The following DKK2 variants were observed in gnomAD, a reference collection of about 807,000 sequenced individuals.
DKK2 encodes dickkopf-related protein 2.
In DKK2, 11 loss-of-function variants were observed where a neutral mutation model predicts 28.1. That is an observed-to-expected ratio of 0.39 (90% CI 0.25 to 0.65). The LOEUF (loss-of-function observed/expected upper bound fraction) is 0.65. Among genes scored for constraint, DKK2 ranks in the 30% least tolerant of loss-of-function variants. The pLI, the probability that DKK2 is intolerant of heterozygous loss-of-function variation, is 0.47. For missense variants in DKK2, 326 were observed against 335.5 expected (o/e 0.97, Z 0.22); for synonymous variants, 135 against 126.5 (o/e 1.07, Z -0.45).
At chr4:106,945,643 A>G (rs1488152668) in intron 1 of DKK2, among the ~76,000 whole-genome samples, 1 of 152,138 alleles carries the variant, frequency 6.6e-6, no homozygotes, top group East Asian at 1.9e-4. Flanking sequence ...TTAGAAAAAC[A>G]TGTTTGGATG....
At chr4:106,948,515 G>C (rs1326115395) in intron 1 of DKK2, among the ~76,000 whole-genome samples, 1 of 152,120 alleles carries the variant, frequency 6.6e-6, no homozygotes, top group African/African-American at 2.4e-5. Context: ...CCAGTTATTT[G>C]GTTAACTCAC....
chr4:107,009,545 T>C (rs1315838197), intron 1 of DKK2, among the ~76,000 whole-genome samples: 1 of 151,944 alleles, frequency 6.6e-6, no homozygotes, highest in Admixed American at 6.6e-5. Context: ...GATGAGTTTT[T>C]ATTTTAACAT....
chr4:106,940,648 A>T, intron 1 of DKK2, among the ~76,000 whole-genome samples: 2 of 150,842 alleles, frequency 1.3e-5, no homozygotes, highest in Non-Finnish European at 2.9e-5. Context: ...TGCTATAAAG[A>T]CACATGCACA....
chr4:107,018,347 T>C (rs765199937), intron 1 of DKK2, among the ~76,000 whole-genome samples: 4 of 152,160 alleles, frequency 2.6e-5, no homozygotes, highest in South Asian at 4.1e-4. Context: ...GCTCAGCACA[T>C]GAAATGCCAG....
At chr4:106,931,883 C>T (rs1176284921) in intron 1 of DKK2, among the ~76,000 whole-genome samples, 1 of 152,162 alleles carries the variant, frequency 6.6e-6, no homozygotes, top group African/African-American at 2.4e-5. Flanking sequence ...CCTGATCAAT[C>T]ATTAAACATA....
At chr4:106,951,071 A>G (rs1724851922) in intron 1 of DKK2, among the ~76,000 whole-genome samples, 1 of 151,932 alleles carries the variant, frequency 6.6e-6, no homozygotes, top group Non-Finnish European at 1.5e-5. Flanking sequence ...ATAATTATTT[A>G]TTTTTATTGA....
At chr4:106,935,110 G>C (rs1390278581) in intron 1 of DKK2, among the ~76,000 whole-genome samples, 2 of 152,152 alleles carry the variant, frequency 1.3e-5, no homozygotes, top group African/African-American at 4.8e-5. Flanking sequence ...ACAAGGGGAG[G>C]AGCCAAGATG....
At position 106,923,863 on chromosome 4, in the gene DKK2, C is replaced by T; in HGVS notation, c.*91G>A. The T allele has an allele frequency of 1.3e-6, 2 of 1,515,106 alleles. No individual in the cohort carries two copies. Among genetic ancestry groups the T allele is most frequent in the Non-Finnish European group, 1.8e-6 (2 of 1,118,166 alleles). The allele number at this position is 1,515,106 out of a possible 1,614,324, so 93.9% of individuals were successfully genotyped here. A position where few individuals can be genotyped will look rare whatever the true frequency, so the allele number is the denominator to read the frequency against. On this transcript the variant is annotated 3_prime_UTR_variant, in exon 4 of 4. Coordinates refer to ENST00000285311, the MANE Select transcript of DKK2 (RefSeq NM_014421.3). Reference sequence around the variant, plus strand: ...TATCACGTTTCTTATTTTAGCCATTCTTCTGCATCTGAACCTTATTTTCCA... The same window carrying T: ...TATCACGTTTCTTATTTTAGCCATTTTTCTGCATCTGAACCTTATTTTCCA...
chr4:106,950,411 C>T (rs969807749), intron 1 of DKK2, among the ~76,000 whole-genome samples: 3 of 152,150 alleles, frequency 2.0e-5, no homozygotes, highest in African/African-American at 4.8e-5. Context: ...CCCTCTATCC[C>T]AGCATTCTCC....
At chr4:106,945,276 CATT>C (rs1351585391) in intron 1 of DKK2, among the ~76,000 whole-genome samples, 2 of 152,042 alleles carry the variant, frequency 1.3e-5, no homozygotes, top group African/African-American at 4.8e-5. Flanking sequence ...TTCCAAGAAA[CATT>C]AGAATGATTT....
chr4:107,023,936 T>C (rs548359388), intron 1 of DKK2, among the ~76,000 whole-genome samples: 1 of 152,262 alleles, frequency 6.6e-6, no homozygotes, highest in South Asian at 2.1e-4. Flanking sequence ...TATGAACAAA[T>C]GGACCTATTA....
chr4:106,927,208 G>A (rs1172764354), intron 1 of DKK2, among the ~76,000 whole-genome samples: 1 of 152,058 alleles, frequency 6.6e-6, no homozygotes, highest in Admixed American at 6.6e-5. Flanking sequence ...AGGTTTGATG[G>A]TATAGCTCGG....
At chr4:106,960,399 A>C (rs967772378) in intron 1 of DKK2, among the ~76,000 whole-genome samples, 4 of 152,084 alleles carry the variant, frequency 2.6e-5, no homozygotes, top group Admixed American at 1.3e-4. Context: ...AGAGTGGTAG[A>C]ATGGATACTG....
rs1723965045 is a variant in DKK2 at position 107,036,225 on chromosome 4, G to A, written c.-634C>T. On this transcript the variant is annotated 5_prime_UTR_variant, in exon 1 of 4. Coordinates refer to ENST00000285311, the MANE Select transcript of DKK2 (RefSeq NM_014421.3). Reference sequence around the variant, plus strand: ...CGAAGCGTTGTCCCCTGACTCACAAGAGACAGCGAATCGCTGCCAGCGCAG... The same window carrying A: ...CGAAGCGTTGTCCCCTGACTCACAAAAGACAGCGAATCGCTGCCAGCGCAG... 2 of 152,432 alleles carry A rather than the reference G, an allele frequency of 1.3e-5. No individual in the cohort carries two copies. Among genetic ancestry groups the A allele is most frequent in the Admixed American group, 6.5e-5 (1 of 15,290 alleles). 9.4% of individuals were successfully genotyped at this position (152,432 alleles called of 1,614,324 possible). A position where few individuals can be genotyped will look rare whatever the true frequency, so the allele number is the denominator to read the frequency against.
At chr4:107,000,767 A>G (rs1402686393) in intron 1 of DKK2, among the ~76,000 whole-genome samples, 2 of 152,192 alleles carry the variant, frequency 1.3e-5, no homozygotes, top group Non-Finnish European at 2.9e-5. Context: ...TAAAGTATTC[A>G]TACATTGTTT....
chr4:106,942,503 G>A (rs1168116293), intron 1 of DKK2, among the ~76,000 whole-genome samples: 3 of 152,038 alleles, frequency 2.0e-5, no homozygotes, highest in Non-Finnish European at 2.9e-5. Context: ...CTTTTTAAGA[G>A]TCTCTATGTC....
At chr4:106,940,987 T>C (rs578055522) in intron 1 of DKK2, among the ~76,000 whole-genome samples, 12 of 152,026 alleles carry the variant, frequency 7.9e-5, no homozygotes, top group East Asian at 5.8e-4. Flanking sequence ...AGGGATAGCA[T>C]TGGGAGATAC....
intron 1 of DKK2, among the ~76,000 whole-genome samples, chr4:106,941,837 A>C (rs1311672365): frequency 6.6e-6 from 1 of 152,112 alleles, no homozygotes; most frequent in African/African-American, 2.4e-5. Flanking sequence ...CATGGAGGGA[A>C]TTTTTCTTTT....
chr4:106,950,623 C>T (rs934486189), intron 1 of DKK2, among the ~76,000 whole-genome samples: 3 of 152,090 alleles, frequency 2.0e-5, no homozygotes, highest in South Asian at 4.1e-4. Flanking sequence ...TTCATCTTCC[C>T]GCCGTTATTC....
Sources: gnomAD v4.1 joint callset for allele counts (sites outside exome capture counted in the v4.1 genomes callset) on GRCh38, gnomAD v4.1.1 for gene constraint, MANE v1.5 for transcripts, NCBI Gene and HGNC (gene_info 2026-07-23, HGNC 2026-07-21) for gene names.